Variants in PAPPA observed in about 807,000 individuals in gnomAD.
PAPPA encodes the protein pappalysin-1.
PAPPA carries 60 observed loss-of-function variants against 164.0 expected under a neutral mutation model. That is an observed-to-expected ratio of 0.37 (90% CI 0.30 to 0.45). The LOEUF (loss-of-function observed/expected upper bound fraction) is 0.45. Among genes scored for constraint, PAPPA ranks in the 20% least tolerant of loss-of-function variants. PAPPA has a pLI of 1.00. For missense variants in PAPPA, 1,782 were observed against 2,087.3 expected (o/e 0.85, Z 2.85); for synonymous variants, 875 against 814.1 (o/e 1.07, Z -1.27).
At chr9:116,166,359 G>A (rs1175711293) in intron 1 of PAPPA, among the ~76,000 whole-genome samples, 4 of 152,138 alleles carry the variant, frequency 2.6e-5, no homozygotes, top group South Asian at 2.1e-4. Context: ...GTGTGTGCAC[G>A]GCAGCACATA....
Position 116,154,598 on chromosome 9 carries a change from G to A in PAPPA, c.415+11G>A. The A allele has an allele frequency of 7.5e-7, 1 of 1,339,882 alleles. No homozygotes were observed. Among genetic ancestry groups the A allele is most frequent in the Non-Finnish European group, 9.6e-7 (1 of 1,047,082 alleles). The allele number at this position is 1,339,882 out of a possible 1,614,324, so 83.0% of individuals were successfully genotyped here. A position where few individuals can be genotyped will look rare whatever the true frequency, so the allele number is the denominator to read the frequency against. On this transcript the variant is annotated intron_variant, in intron 1 of 21. Coordinates refer to ENST00000328252, the MANE Select transcript of PAPPA (RefSeq NM_002581.5). This position sits in a 1 kb window ranked among gnomAD's most constrained non-coding sequence, Gnocchi z 5.2. ...CGGCAGTGATCACAGGTAGGTGAGG[G>A]CGCCTCGGCGGGCGCTGCACCGTCC...
chr9:116,386,681 T>C (rs1303218024), intron 21 of PAPPA, among the ~76,000 whole-genome samples: 1 of 152,176 alleles, frequency 6.6e-6, no homozygotes, highest in Non-Finnish European at 1.5e-5. Context: ...AGGGTGCCTG[T>C]GTCCTTGGCA....
chr9:116,341,253 CTGGTCT>C (rs1210895290), intron 13 of PAPPA, among the ~76,000 whole-genome samples: 6 of 152,160 alleles, frequency 3.9e-5, no homozygotes, highest in South Asian at 4.1e-4. Flanking sequence ...GGTGGCCAGG[CTGGTCT>C]TGAACTCCTG....
chr9:116,178,568 G>T (rs1843864108), intron 1 of PAPPA, among the ~76,000 whole-genome samples: 1 of 152,232 alleles, frequency 6.6e-6, no homozygotes, highest in Non-Finnish European at 1.5e-5. Context: ...CTATCAAGGA[G>T]ATAAAGAGAT....
chr9:116,383,695 A>ATCTT (rs1369198572), intron 21 of PAPPA, among the ~76,000 whole-genome samples: 1 of 152,178 alleles, frequency 6.6e-6, no homozygotes, highest in Non-Finnish European at 1.5e-5. Context: ...TAGTTACTGA[A>ATCTT]TCTTTTGGTT....
chr9:116,333,604 T>A (rs546092730), intron 12 of PAPPA, among the ~76,000 whole-genome samples: 1 of 152,326 alleles, frequency 6.6e-6, no homozygotes, highest in African/African-American at 2.4e-5. Context: ...TTTCTTGTTT[T>A]GTTTTTATGC....
intron 10 of PAPPA, among the ~76,000 whole-genome samples, chr9:116,328,666 A>G (rs1845950616): frequency 6.6e-6 from 1 of 152,220 alleles, no homozygotes; most frequent in African/African-American, 2.4e-5. Flanking sequence ...ATTATAAGGC[A>G]GCTTTATATA....
chr9:116,154,216 C>A lies in PAPPA; in HGVS notation c.44C>A (p.Ala15Asp). The change falls in exon 1 of 22, where the codon GCC becomes GAC. Residue 15 changes from alanine (A) to aspartate (D), a missense_variant. This residue lies in a region of PAPPA where 458 missense variants were observed against 430.3 expected (regional missense o/e 1.06). Coordinates refer to ENST00000328252, the MANE Select transcript of PAPPA (RefSeq NM_002581.5). This position sits in a 1 kb window ranked among gnomAD's most constrained non-coding sequence, Gnocchi z 5.2. ...GTGCTGCACCTGGGGCTGCTGAGCGCCGCGCTGGGCTGCGGGCTGGCCGAG... is the reference window on the plus strand; with the variant it reads ...GTGCTGCACCTGGGGCTGCTGAGCGACGCGCTGGGCTGCGGGCTGGCCGAG... Reference protein sequence around the residue: ...SWVLHLGLLSAALGCGLAERP... With the variant: ...SWVLHLGLLSDALGCGLAERP... 1 of 1,467,482 alleles carries A rather than the reference C, an allele frequency of 6.8e-7. No individual in the cohort carries two copies. The highest frequency in any genetic ancestry group is 2.9e-5 in the East Asian group (1 of 33,966). 90.9% of individuals were successfully genotyped at this position (1,467,482 alleles called of 1,614,324 possible).
At chr9:116,208,272 A>T (rs1733784725) in intron 3 of PAPPA, among the ~76,000 whole-genome samples, 1 of 152,214 alleles carries the variant, frequency 6.6e-6, no homozygotes, top group South Asian at 2.1e-4. Flanking sequence ...CTTCCAGGAC[A>T]CATCTATATG....
At chr9:116,310,744 C>T (rs1044651228) in intron 10 of PAPPA, among the ~76,000 whole-genome samples, 4 of 152,142 alleles carry the variant, frequency 2.6e-5, no homozygotes, top group African/African-American at 9.7e-5. Flanking sequence ...GACTGAAAAA[C>T]TCTGAGTGAC....
intron 19 of PAPPA, among the ~76,000 whole-genome samples, chr9:116,372,758 GAA>G (rs759456583): frequency 2.6e-4 from 40 of 152,304 alleles, no homozygotes; most frequent in Middle Eastern, 3.4e-3. Context: ...CTTAAGGAAA[GAA>G]GAGGTAAATT....
At chr9:116,310,688 T>C (rs574132714) in intron 10 of PAPPA, among the ~76,000 whole-genome samples, 1 of 152,160 alleles carries the variant, frequency 6.6e-6, no homozygotes, top group Non-Finnish European at 1.5e-5. Context: ...CCTTTCAATA[T>C]CTGTTCAAAT....
chr9:116,258,231 G>A (rs564681377), intron 7 of PAPPA, among the ~76,000 whole-genome samples: 9 of 152,142 alleles, frequency 5.9e-5, no homozygotes, highest in Admixed American at 4.6e-4. Flanking sequence ...GCTTCACATG[G>A]AATTTCACAT....
At chr9:116,172,440 C>G (rs1280929682) in intron 1 of PAPPA, among the ~76,000 whole-genome samples, 1 of 152,150 alleles carries the variant, frequency 6.6e-6, no homozygotes, top group Non-Finnish European at 1.5e-5. Context: ...GACAGCATCC[C>G]TGGCCTCTAT....
At chr9:116,231,697 GGA>G (rs1392066377) in intron 6 of PAPPA, among the ~76,000 whole-genome samples, 3 of 150,384 alleles carry the variant, frequency 2.0e-5, no homozygotes, top group Non-Finnish European at 4.4e-5. Context: ...ATGGATGGAT[GGA>G]TGGATGGATG....
chr9:116,243,444 A>G (rs986618866), intron 7 of PAPPA, among the ~76,000 whole-genome samples: 3 of 152,210 alleles, frequency 2.0e-5, no homozygotes, highest in African/African-American at 7.2e-5. Context: ...GTGTTTAGGT[A>G]TTAGCATGCC....
intron 17 of PAPPA, among the ~76,000 whole-genome samples, chr9:116,358,774 C>CT (rs1268707594): frequency 6.6e-6 from 1 of 152,228 alleles, no homozygotes; most frequent in Non-Finnish European, 1.5e-5. Flanking sequence ...AGCTTACAGT[C>CT]AAGAGACATG....
intron 16 of PAPPA, among the ~76,000 whole-genome samples, chr9:116,353,216 C>A (rs964387609): frequency 6.6e-6 from 1 of 151,920 alleles, no homozygotes; most frequent in African/African-American, 2.4e-5. Context: ...ACAGTTACCA[C>A]GTAAGGTTGT....
chr9:116,290,327 G>C (rs139776197), intron 9 of PAPPA, among the ~76,000 whole-genome samples: 162 of 150,818 alleles, frequency 1.1e-3, no homozygotes, highest in African/African-American at 3.8e-3. Context: ...TCATCTACAC[G>C]CTTCTCGATC....
Sources: gnomAD v4.1 joint callset for allele counts (sites outside exome capture counted in the v4.1 genomes callset) on GRCh38, gnomAD v4.1.1 for gene constraint, gnomAD v4.1.1 regional missense constraint, Gnocchi (gnomAD v3.1) non-coding constraint, MANE v1.5 for transcripts, NCBI Gene and HGNC (gene_info 2026-07-23, HGNC 2026-07-21) for gene names.